The following CD177 variants were observed in gnomAD, a reference collection of about 807,000 sequenced individuals.
CD177 encodes CD177 antigen.
Under a neutral mutation model 38.1 loss-of-function variants are expected in CD177, and 41 were observed. The observed-to-expected ratio is 1.07, with a 90% CI of 0.84 to 1.39. CD177 has a LOEUF of 1.39. CD177 is among the 40% of genes most tolerant of loss of function. The pLI is 0.00. For missense variants in CD177, 619 were observed against 523.8 expected (o/e 1.18, Z -1.77); for synonymous variants, 236 against 216.7 (o/e 1.09, Z -0.78).
chr19:43,355,155 C>G (rs1156266039), intron 3 of CD177, among the ~76,000 whole-genome samples: 1 of 135,874 alleles, frequency 7.4e-6, no homozygotes, highest in African/African-American at 2.7e-5. Context: ...GCTGTGTCGA[C>G]CAGGCTGGAG....
Position 43,356,022 on chromosome 19 carries a change from G to A in CD177, c.533G>A (p.Gly178Glu). ...GGIFSNLRVQGCMPQPVCNLL... is the reference protein window; with the variant it reads ...GGIFSNLRVQECMPQPVCNLL... ...ATCTTCTCCAATCTGAGAGTCCAGG[G>A]ATGCATGCCCCAGCCAGTTTGCAAC... The change falls in exon 5 of 9, where the codon GGA becomes GAA. Residue 178 changes from glycine (G) to glutamate (E), a missense_variant. Coordinates refer to ENST00000618265, the MANE Select transcript of CD177 (RefSeq NM_020406.4). 1 of 680,712 alleles carries A rather than the reference G, an allele frequency of 1.5e-6. No homozygotes were observed. The highest frequency in any genetic ancestry group is 2.6e-6 in the Non-Finnish European group (1 of 378,516). 42.2% of individuals were successfully genotyped at this position (680,712 alleles called of 1,614,324 possible). A position where few individuals can be genotyped will look rare whatever the true frequency, so the allele number is the denominator to read the frequency against.
At chr19:43,361,613 G>A (rs184307031) in intron 8 of CD177, 34 bp downstream of exon 8, 41 of 1,551,784 alleles carry the variant, frequency 2.6e-5, no homozygotes, top group Non-Finnish European at 3.1e-5. Context: ...AAGGATGAAG[G>A]CACTGGTGGC....
In CD177 at chr19:43,361,499, C is replaced by A; in HGVS notation, c.1001C>A (p.Thr334Asn). The change falls in exon 8 of 9, where the codon ACC becomes AAC. Residue 334 changes from threonine to asparagine, a missense_variant. Thr to Asn is a moderately conservative substitution (Grantham distance 65). Coordinates refer to ENST00000618265, the MANE Select transcript of CD177 (RefSeq NM_020406.4). ...CCTACCTGTGTGCAGCCCCTTGGAA[C>A]CTGTTCAAGTGGCTCCCCCCGAATG... ...QCPTCVQPLG[T>N]CSSGSPRMTC... The A allele has an allele frequency of 1.9e-6, 3 of 1,585,662 alleles. No individual in the cohort carries two copies. Among genetic ancestry groups the A allele is most frequent in the Non-Finnish European group, 2.6e-6 (3 of 1,157,450 alleles).
Position 43,354,305 on chromosome 19 carries a change from A to T in CD177, c.292A>T (p.Ile98Phe). The change falls in exon 3 of 9, where the codon ATC (isoleucine) becomes TTC (phenylalanine). Residue 98 changes from isoleucine (I) to phenylalanine (F), a missense_variant. Transcript: ENST00000618265. ...CCGGATGGGCCCCGGCCTCTCCCTGATCTCCTACACCTTCGTGTGCCGCCA... is the reference window on the plus strand; with the variant it reads ...CCGGATGGGCCCCGGCCTCTCCCTGTTCTCCTACACCTTCGTGTGCCGCCA... ...EHRMGPGLSL[I>F]SYTFVCRQED... 2 of 1,613,784 alleles carry T rather than the reference A, an allele frequency of 1.2e-6. No homozygotes were observed. The highest frequency in any genetic ancestry group is 1.7e-6 in the Non-Finnish European group (2 of 1,179,828).
chr19:43,361,346 G>C lies in CD177; in HGVS notation c.946+18G>C, dbSNP rs751182685. The C allele has an allele frequency of 3.8e-6, 6 of 1,579,504 alleles. No individual in the cohort carries two copies. The East Asian group carries it at 1.1e-4, about 29-fold the overall frequency. ...TCCTCAAGGTATGGGATCCAGGGCC[G>C]TGGAGAAATGAGGCCCAGACACACA... On this transcript the variant is annotated intron_variant, in intron 7 of 8. Coordinates refer to ENST00000618265, the MANE Select transcript of CD177 (RefSeq NM_020406.4).
intron 4 of CD177, 75 bp from the exon 5 acceptor site, chr19:43,355,917 G>C: frequency 8.5e-7 from 1 of 1,182,530 alleles, no homozygotes; most frequent in Non-Finnish European, 1.2e-6. Context: ...GCTTCCTGGA[G>C]CTATGCCTGC....
rs745717842 is a variant in CD177, at chr19:43,355,763, G to C, written c.482G>C (p.Gly161Ala). ...CPKGTTHCYD[G>A]LLRLRGGGIF... ...AAGGGGACCACACACTGTTATGATG[G>C]CCTCCTCAGGCTCAGGGGAGGTAAG... is the stretch of plus-strand genomic sequence containing the variant. Residue 161 changes from glycine to alanine, a missense_variant, in exon 4 of 9, where the codon GGC becomes GCC. By Grantham distance (60) the Gly-to-Ala change is moderately conservative. Transcript: ENST00000618265. The C allele has an allele frequency of 6.2e-7, 1 of 1,612,980 alleles. No homozygotes were observed. The highest frequency in any genetic ancestry group is 8.5e-7 in the Non-Finnish European group (1 of 1,179,484).
chr19:43,354,236 G>C lies in CD177; in HGVS notation c.223G>C (p.Gly75Arg). The C allele has an allele frequency of 1.2e-6, 2 of 1,613,610 alleles. No individual in the cohort carries two copies. Among genetic ancestry groups the C allele is most frequent in the East Asian group, 2.2e-5 (1 of 44,858 alleles). Residue 75 changes from glycine to arginine, a missense_variant, in exon 3 of 9, where the codon GGC (glycine) becomes CGC (arginine). Gly to Arg is a moderately radical substitution (Grantham distance 125). Coordinates refer to ENST00000618265, the MANE Select transcript of CD177 (RefSeq NM_020406.4). The stretch of plus-strand genomic sequence containing the variant: ...CCAAGTGAGCCTGGTGCTCTCCAAG[G>C]GCTGCACGGAGGCCAAGGACCAGGA... ...GPQVSLVLSK[G>R]CTEAKDQEPR...
downstream of CD177, among the ~76,000 whole-genome samples, chr19:43,363,637 T>C (rs1396256745): frequency 6.6e-6 from 1 of 152,122 alleles, no homozygotes; most frequent in Non-Finnish European, 1.5e-5. Context: ...GAGACTCCAC[T>C]GGTCCAGCCC....
intron 8 of CD177, 139 bp from the exon 9 acceptor site, chr19:43,361,949 A>ACC: frequency 1.5e-6 from 1 of 665,190 alleles, no homozygotes; most frequent in Non-Finnish European, 2.5e-6. Flanking sequence ...GGGGGCCTGG[A>ACC]CCCCTGGGTC....
At chr19:43,354,503 C>G (rs1172064116) in intron 3 of CD177, 111 bp downstream of exon 3, 1 of 1,137,686 alleles carries the variant, frequency 8.8e-7, no homozygotes, top group East Asian at 2.5e-5. Flanking sequence ...TCCCGACCCT[C>G]GCTGGCTCCA....
chr19:43,364,018 G>A (rs533855247), downstream of CD177, among the ~76,000 whole-genome samples: 3 of 152,280 alleles, frequency 2.0e-5, no homozygotes, highest in East Asian at 3.9e-4. Flanking sequence ...GGAGGTCAAG[G>A]CTGCAGTGAG....
At chr19:43,364,021 G>T (rs547090327), downstream of CD177, among the ~76,000 whole-genome samples, 4 of 152,332 alleles carry the variant, frequency 2.6e-5, no homozygotes, top group East Asian at 7.7e-4. Context: ...GGTCAAGGCT[G>T]CAGTGAGCCA....
chr19:43,360,631 G>A (rs895732059), intron 6 of CD177: 13 of 536,826 alleles, frequency 2.4e-5, no homozygotes, highest in South Asian at 1.1e-4. Context: ...CCACGTATGC[G>A]GTAATCCCTG....
At chr19:43,360,429 G>A (rs191813362) in intron 6 of CD177, 24 bp downstream of exon 6, 519 of 1,568,444 alleles carry the variant, frequency 3.3e-4, no homozygotes, top group East Asian at 4.3e-4. Flanking sequence ...GGTAGAAGAC[G>A]AACACCTGTC....
chr19:43,363,720 A>T (rs1970005908), downstream of CD177, among the ~76,000 whole-genome samples: 1 of 152,218 alleles, frequency 6.6e-6, no homozygotes, highest in South Asian at 2.1e-4. Flanking sequence ...AATCTGGAGA[A>T]GGAAACAGAA....
chr19:43,360,430 AAC>A, intron 6 of CD177, 25 bp downstream of exon 6: 1 of 1,568,084 alleles, frequency 6.4e-7, no homozygotes, highest in Non-Finnish European at 8.6e-7. Flanking sequence ...GTAGAAGACG[AAC>A]ACCTGTCCCA....
intron 3 of CD177, 40 bp downstream of exon 3, chr19:43,354,432 A>G: frequency 6.2e-7 from 1 of 1,602,762 alleles, no homozygotes; most frequent in Non-Finnish European, 8.5e-7. Context: ...AGGGGCTGCT[A>G]GAAGGGGATC....
intron 8 of CD177, 81 bp from the exon 9 acceptor site, chr19:43,362,007 G>T: frequency 8.2e-7 from 1 of 1,212,918 alleles, no homozygotes; most frequent in Non-Finnish European, 1.2e-6. Context: ...GAGGGAGGAG[G>T]GTCTGGGGCC....
Sources: allele counts gnomAD v4.1 joint callset (sites outside exome capture counted in the v4.1 genomes callset), GRCh38; gene constraint gnomAD v4.1.1; transcripts MANE v1.5; gene names NCBI Gene and HGNC (gene_info 2026-07-23, HGNC 2026-07-21).